The following AKAP19 variants were observed in gnomAD, a reference collection of about 807,000 sequenced individuals.
AKAP19 encodes A-kinase anchoring protein 19, also known as small A-kinase anchoring protein.
the AKAP19 span, among the ~76,000 whole-genome samples, chr2:190,195,277 T>C: frequency 6.6e-6 from 1 of 152,256 alleles, no homozygotes; most frequent in Non-Finnish European, 1.5e-5. Flanking sequence ...ATAAAGCTGC[T>C]ACAGACATCC....
chr2:190,202,380 G>A, the AKAP19 span: 2 of 166,974 alleles, frequency 1.2e-5, no homozygotes, highest in Admixed American at 6.5e-5. Context: ...TGCATAATCA[G>A]TGAGCTAGTG....
chr2:190,091,226 A>T, the AKAP19 span, among the ~76,000 whole-genome samples: 22 of 152,210 alleles, frequency 1.4e-4, no homozygotes, highest in Middle Eastern at 3.2e-3. Context: ...AAATCAGATA[A>T]CTTGTCAGCA....
chr2:190,057,138 G>C, the AKAP19 span: 1 of 1,043,708 alleles, frequency 9.6e-7, no homozygotes, highest in Non-Finnish European at 1.4e-6. Context: ...TGTAGCTTAT[G>C]CTTAAGTGAC....
At chr2:189,939,564 A>G in the AKAP19 span, among the ~76,000 whole-genome samples, 1 of 152,218 alleles carries the variant, frequency 6.6e-6, no homozygotes, top group Non-Finnish European at 1.5e-5. Flanking sequence ...CCTCTAATGG[A>G]TAAGGCAAGG....
At chr2:189,946,750 T>C in the AKAP19 span, among the ~76,000 whole-genome samples, 13 of 151,986 alleles carry the variant, frequency 8.6e-5, no homozygotes, top group African/African-American at 2.4e-4. Context: ...TTAAAACAAA[T>C]GTTTTTATAC....
At chr2:190,140,150 T>C in the AKAP19 span, among the ~76,000 whole-genome samples, 1 of 152,170 alleles carries the variant, frequency 6.6e-6, no homozygotes, top group Non-Finnish European at 1.5e-5. Flanking sequence ...GTCACACTGA[T>C]ATAAGAGGTG....
the AKAP19 span, among the ~76,000 whole-genome samples, chr2:190,143,209 G>A: frequency 6.9e-6 from 1 of 144,360 alleles, no homozygotes; most frequent in Non-Finnish European, 1.5e-5. Flanking sequence ...CTAGTCATGT[G>A]TAACTGCTGC....
the AKAP19 span, among the ~76,000 whole-genome samples, chr2:190,039,355 A>G: frequency 7.9e-5 from 12 of 152,314 alleles, no homozygotes; most frequent in Admixed American, 7.8e-4. Context: ...CTGGGATTAC[A>G]GGCGTGAGCC....
At chr2:190,203,060 TA>T in the AKAP19 span, 6 of 167,070 alleles carry the variant, frequency 3.6e-5, no homozygotes, top group Non-Finnish European at 5.9e-5. Context: ...GCCTTATTAG[TA>T]TTAAAAACAG....
the AKAP19 span, among the ~76,000 whole-genome samples, chr2:190,084,093 T>TTG: frequency 6.7e-6 from 1 of 149,700 alleles, no homozygotes; most frequent in South Asian, 2.2e-4. Flanking sequence ...AGCTCAGGTT[T>TTG]TTTTTTTTTT....
the AKAP19 span, among the ~76,000 whole-genome samples, chr2:189,994,113 C>T: frequency 1.1e-4 from 17 of 151,512 alleles, no homozygotes; most frequent in East Asian, 1.8e-3. Context: ...TGGGTTCAAG[C>T]GATTCTCCTG....
chr2:190,079,395 T>TA, the AKAP19 span: 1 of 152,268 alleles, frequency 6.6e-6, no homozygotes, highest in African/African-American at 2.4e-5. Flanking sequence ...ACAAGTATCA[T>TA]AAGTAACTAC....
chr2:190,001,025 G>T, the AKAP19 span, among the ~76,000 whole-genome samples: 2 of 151,866 alleles, frequency 1.3e-5, no homozygotes, highest in Non-Finnish European at 2.9e-5. Context: ...TATTCTTTCT[G>T]TTCTTCAGAT....
At chr2:190,076,068 G>A in the AKAP19 span, among the ~76,000 whole-genome samples, 6 of 152,030 alleles carry the variant, frequency 3.9e-5, no homozygotes, top group African/African-American at 1.4e-4. Flanking sequence ...CTTTACCTAT[G>A]TTATAAATTC....
the AKAP19 span, among the ~76,000 whole-genome samples, chr2:190,091,421 A>G: frequency 6.6e-6 from 1 of 152,344 alleles, no homozygotes; most frequent in Non-Finnish European, 1.5e-5. Flanking sequence ...AAAGGAATTT[A>G]TTCAAACTGT....
At chr2:190,049,958 A>G in the AKAP19 span, among the ~76,000 whole-genome samples, 1 of 152,236 alleles carries the variant, frequency 6.6e-6, no homozygotes, top group African/African-American at 2.4e-5. Flanking sequence ...CTAGTTTTAC[A>G]TAAATGTTTG....
At chr2:190,013,536 G>C in the AKAP19 span, among the ~76,000 whole-genome samples, 1 of 151,374 alleles carries the variant, frequency 6.6e-6, no homozygotes, top group South Asian at 2.1e-4. Flanking sequence ...TATTTTTTGA[G>C]ATGGAGTCTC....
chr2:190,040,271 G>A, the AKAP19 span, among the ~76,000 whole-genome samples: 1 of 152,188 alleles, frequency 6.6e-6, no homozygotes, highest in African/African-American at 2.4e-5. Context: ...CTAATGATCA[G>A]TGATATTGAG....
the AKAP19 span, among the ~76,000 whole-genome samples, chr2:189,982,599 C>T: frequency 6.6e-6 from 1 of 151,542 alleles, no homozygotes; most frequent in African/African-American, 2.4e-5. Flanking sequence ...GTGTTGATTC[C>T]TCCTCATTCA....
Sources: gnomAD v4.1 joint callset for allele counts (sites outside exome capture counted in the v4.1 genomes callset) on GRCh38, gnomAD v4.1.1 for gene constraint, MANE v1.5 for transcripts, NCBI Gene and HGNC (gene_info 2026-07-23, HGNC 2026-07-21) for gene names.